The following SDK2 variants were observed in gnomAD, a reference collection of about 807,000 sequenced individuals.
SDK2 encodes the protein protein sidekick-2.
A neutral mutation model predicts 253.9 loss-of-function variants in SDK2; 105 were observed. The observed-to-expected ratio is 0.41, with a 90% CI of 0.35 to 0.49. SDK2 has a LOEUF of 0.49. Among genes scored for constraint, SDK2 ranks in the 20% least tolerant of loss-of-function variants. SDK2 has a pLI of 0.06. For missense variants in SDK2, 2,608 were observed against 3,003.0 expected (o/e 0.87, Z 3.07); for synonymous variants, 1,249 against 1,234.9 (o/e 1.01, Z -0.24).
At chr17:73,525,000 T>C (rs1448366767) in intron 1 of SDK2, among the ~76,000 whole-genome samples, 1 of 152,270 alleles carries the variant, frequency 6.6e-6, no homozygotes, top group Non-Finnish European at 1.5e-5. Flanking sequence ...GGTGAGGCCG[T>C]GGATGGCTGT....
chr17:73,338,235 C>T lies in SDK2; in HGVS notation c.*352G>A, dbSNP rs745928346. On this transcript the variant is annotated 3_prime_UTR_variant, in exon 45 of 45. Transcript: ENST00000392650. The surrounding 1 kb of genome is among the most constrained non-coding windows in gnomAD (Gnocchi z 5.0). The stretch of plus-strand genomic sequence containing the variant: ...CTTTTTCTTCCCTCGGCCACGCCTG[C>T]CTGGCGGCCTCCAGTCCTTAGCCTC... 2 of 416,446 alleles carry T rather than the reference C, an allele frequency of 4.8e-6. No individual in the cohort carries two copies. Among genetic ancestry groups the T allele is most frequent in the South Asian group, 3.8e-5 (2 of 53,238 alleles). The allele number at this position is 416,446 out of a possible 1,614,324, so 25.8% of individuals were successfully genotyped here.
In SDK2 at chr17:73,612,733, A is replaced by T. The variant is rs929279308; in HGVS notation, c.64+31292T>A. Among the ~76,000 whole-genome samples the T allele has an allele frequency of 2.0e-5, 3 of 152,174 alleles. No individual in the cohort carries two copies. Among genetic ancestry groups the T allele is most frequent in the African/African-American group, 7.2e-5 (3 of 41,438 alleles). On this transcript the variant is annotated intron_variant, in intron 1 of 44. Transcript: ENST00000392650. The surrounding 1 kb of genome is among the most constrained non-coding windows in gnomAD (Gnocchi z 4.4). ...AGACTTTGAGACAAGCCTGACCAAC[A>T]TGGTGAAACCCCGTCTCTACTAAAA...
chr17:73,428,301 T>C (rs1021815340), intron 12 of SDK2, among the ~76,000 whole-genome samples: 3 of 152,170 alleles, frequency 2.0e-5, no homozygotes, highest in Non-Finnish European at 4.4e-5. Context: ...CCTGACTTCA[T>C]GATCCACCCG....
At chr17:73,608,803 T>A (rs941513607) in intron 1 of SDK2, among the ~76,000 whole-genome samples, 2 of 152,076 alleles carry the variant, frequency 1.3e-5, no homozygotes, top group African/African-American at 4.8e-5. Context: ...CAGCCCACAC[T>A]CAAGGGAAGG....
At chr17:73,492,330 C>T (rs1011214119) in intron 2 of SDK2, among the ~76,000 whole-genome samples, 3 of 152,146 alleles carry the variant, frequency 2.0e-5, no homozygotes, top group Non-Finnish European at 4.4e-5. Flanking sequence ...CTCCTGCAGG[C>T]AGGACCTCAC....
At chr17:73,623,623 G>A (rs78710210) in intron 1 of SDK2, among the ~76,000 whole-genome samples, 2,445 of 152,250 alleles carry the variant, frequency 0.016, 63 homozygotes, top group African/African-American at 0.056. Context: ...GGAGAGCACA[G>A]ATTGTCTTCT....
chr17:73,537,349 G>A (rs1338445964), intron 1 of SDK2, among the ~76,000 whole-genome samples: 2 of 152,064 alleles, frequency 1.3e-5, no homozygotes, highest in Non-Finnish European at 2.9e-5. Flanking sequence ...ATTTCGCTTT[G>A]GGGCCTTCAG....
intron 5 of SDK2, 78 bp from the exon 6 acceptor site, chr17:73,441,001 C>G (rs2063411344): frequency 9.0e-7 from 1 of 1,105,340 alleles, no homozygotes; most frequent in Non-Finnish European, 1.3e-6. Flanking sequence ...GGCTGATGCC[C>G]TGGGAGGTCT....
chr17:73,513,648 AGAG>A (rs2063999472), intron 1 of SDK2: 1 of 152,246 alleles, frequency 6.6e-6, no homozygotes. Context: ...ACAGTACTTC[AGAG>A]CCGCTCAGCT....
intron 6 of SDK2, among the ~76,000 whole-genome samples, chr17:73,439,072 C>T (rs1315689920): frequency 6.6e-6 from 1 of 152,184 alleles, no homozygotes; most frequent in Admixed American, 6.5e-5. Context: ...TGGTGTTACC[C>T]ACTTGGTGAT....
In SDK2 at chr17:73,563,311, C is replaced by T. The variant is rs1387995598; in HGVS notation, c.65-55714G>A. Among the ~76,000 whole-genome samples, 4 of 152,362 alleles carry T rather than the reference C, an allele frequency of 2.6e-5. No individual in the cohort carries two copies. The East Asian group carries it at 5.8e-4, about 22-fold the overall frequency. ...ATTTCTGGCTGGGTGCAGTGACTTACACCTGTCATCCCAACACTTTGGGAG... is the reference window on the plus strand; with the variant it reads ...ATTTCTGGCTGGGTGCAGTGACTTATACCTGTCATCCCAACACTTTGGGAG... On this transcript the variant is annotated intron_variant, in intron 1 of 44. Transcript: ENST00000392650.
intron 1 of SDK2, among the ~76,000 whole-genome samples, chr17:73,580,520 A>C (rs937228348): frequency 6.6e-6 from 1 of 152,218 alleles, no homozygotes; most frequent in Non-Finnish European, 1.5e-5. Flanking sequence ...GGCCAGCTTC[A>C]TGGGCATGAG....
intron 1 of SDK2, among the ~76,000 whole-genome samples, chr17:73,536,348 A>G (rs1294628151): frequency 1.3e-5 from 2 of 152,164 alleles, no homozygotes; most frequent in African/African-American, 4.8e-5. Flanking sequence ...GGGAGTTCAG[A>G]GGCTCTTTTC....
chr17:73,507,421 G>A lies in SDK2; in HGVS notation c.224+17C>T, dbSNP rs965794236. 1.4e-5 allele frequency: 21 copies of A among 1,542,602 alleles called. No individual in the cohort carries two copies. Among genetic ancestry groups the A allele is most frequent in the Admixed American group, 3.9e-5 (2 of 50,840 alleles). On this transcript the variant is annotated intron_variant, in intron 2 of 44. Transcript: ENST00000392650. Reference sequence around the variant, plus strand: ...GGTCCTGGCAGCCAGGAGGAAGGGCGGGGAGGGGCAGTTTACCTGTATTCC... The same window carrying A: ...GGTCCTGGCAGCCAGGAGGAAGGGCAGGGAGGGGCAGTTTACCTGTATTCC...
At chr17:73,434,405 G>C (rs2063351882) in intron 9 of SDK2, among the ~76,000 whole-genome samples, 1 of 152,228 alleles carries the variant, frequency 6.6e-6, no homozygotes, top group Admixed American at 6.5e-5. Flanking sequence ...ACAGAGCTAA[G>C]TTCACCTGCA....
At chr17:73,571,459 C>T (rs942330230) in intron 1 of SDK2, among the ~76,000 whole-genome samples, 19 of 152,186 alleles carry the variant, frequency 1.2e-4, no homozygotes, top group Admixed American at 1.3e-4. Context: ...TCAGGGAGCT[C>T]GGTGGCCCAC....
intron 44 of SDK2, among the ~76,000 whole-genome samples, chr17:73,339,747 A>G (rs2062418379): frequency 6.6e-6 from 1 of 151,582 alleles, no homozygotes; most frequent in African/African-American, 2.4e-5. Flanking sequence ...TCTTGTGATG[A>G]GCTCTCCTTA....
rs769147060 is a variant in SDK2 at position 73,358,151 on chromosome 17, C to T, written c.5521G>A (p.Ala1841Thr). 34 of 1,613,032 alleles carry T rather than the reference C, an allele frequency of 2.1e-5. No individual in the cohort carries two copies. The highest frequency in any genetic ancestry group is 2.7e-5 in the Non-Finnish European group (32 of 1,179,662). The change falls in exon 40 of 45, where the codon GCC (alanine) becomes ACC (threonine). Residue 1841 changes from alanine to threonine, a missense_variant. This residue lies in a region of SDK2 where 1,103 missense variants were observed against 1,143.9 expected (regional missense o/e 0.96). Coordinates refer to ENST00000392650, the MANE Select transcript of SDK2 (RefSeq NM_001144952.2). The stretch of plus-strand genomic sequence containing the variant: ...GGGTCTCCGCTGGACCAGTGAATGG[C>T]GATGGCAGAGCTGTACCGCACGATG... ...PIIVRYSSAIAIHWSSGDPGK... is the reference protein window; with the variant it reads ...PIIVRYSSAITIHWSSGDPGK...
At chr17:73,372,597 C>T (rs767800814) in intron 36 of SDK2, among the ~76,000 whole-genome samples, 16 of 151,850 alleles carry the variant, frequency 1.1e-4, no homozygotes, top group Admixed American at 1.1e-3. Context: ...TATATATAGC[C>T]GGGCATGGTG....
Sources: allele counts gnomAD v4.1 joint callset (sites outside exome capture counted in the v4.1 genomes callset), GRCh38; gene constraint gnomAD v4.1.1; regional missense constraint gnomAD v4.1.1; non-coding constraint Gnocchi (gnomAD v3.1); transcripts MANE v1.5; gene names NCBI Gene and HGNC (gene_info 2026-07-23, HGNC 2026-07-21).